Variants in ZNF484 observed in about 807,000 individuals in gnomAD.
ZNF484 encodes the protein KRAB box containing C2H2 type zinc finger bA526D8.4.
In ZNF484, 11 loss-of-function variants were observed where a neutral mutation model predicts 12.9. The observed-to-expected ratio is 0.85, with a 90% CI of 0.54 to 1.41. The LOEUF (loss-of-function observed/expected upper bound fraction) is 1.41. Among genes scored for constraint, ZNF484 ranks in the 40% most tolerant of loss-of-function variants. The pLI is 0.00. For synonymous variants in ZNF484, 289 were observed against 334.1 expected (o/e 0.86, Z 1.47); for missense variants, 807 against 1,007.7 (o/e 0.80, Z 2.70).
intron 1 of ZNF484, among the ~76,000 whole-genome samples, chr9:92,875,366 C>T (rs554828051): frequency 9.7e-4 from 148 of 152,294 alleles, no homozygotes; most frequent in Non-Finnish European, 1.6e-3. Flanking sequence ...TCTGATTTCA[C>T]AGGCCCTTCA....
intron 4 of ZNF484, among the ~76,000 whole-genome samples, chr9:92,849,674 C>T (rs1417634661): frequency 1.3e-5 from 2 of 152,108 alleles, no homozygotes; most frequent in East Asian, 3.9e-4. Context: ...GCCTATAGTC[C>T]CAGCTACTTA....
chr9:92,861,056 G>A (rs527675530), intron 2 of ZNF484, among the ~76,000 whole-genome samples: 197 of 152,210 alleles, frequency 1.3e-3, no homozygotes, highest in Non-Finnish European at 2.3e-3. Context: ...ATTAGCTTCT[G>A]GGTAGCACAA....
chr9:92,854,182 T>C (rs1856287872), intron 4 of ZNF484, among the ~76,000 whole-genome samples: 2 of 152,280 alleles, frequency 1.3e-5, no homozygotes, highest in South Asian at 4.1e-4. Flanking sequence ...GTTCAAAGTA[T>C]TTTATTAGGG....
intron 2 of ZNF484, among the ~76,000 whole-genome samples, chr9:92,865,562 A>G (rs1205353350): frequency 6.6e-6 from 1 of 152,204 alleles, no homozygotes; most frequent in Non-Finnish European, 1.5e-5. Flanking sequence ...TACTGGTAGG[A>G]ATACAAATTG....
rs752078273 is a variant in ZNF484 at position 92,847,058 on chromosome 9, C to T, written c.1729G>A (p.Glu577Lys). ...CATTCAGTGCAAACATATGGTTTTT[C>T]CCCTCTATGAATTCTCTGGTGCATA... ...LSMHQRIHRG[E>K]KPYVCTECGK... The change falls in exon 5 of 5, where the codon GAA (glutamate) becomes AAA (lysine). Residue 577 changes from glutamate (E) to lysine (K), a missense_variant. Transcript: ENST00000375495. 2 of 1,613,964 alleles carry T rather than the reference C, an allele frequency of 1.2e-6. No homozygotes were observed. Among genetic ancestry groups the T allele is most frequent in the South Asian group, 2.2e-5 (2 of 91,070 alleles).
At chr9:92,860,653 T>C (rs1229939808) in intron 2 of ZNF484, among the ~76,000 whole-genome samples, 2 of 147,132 alleles carry the variant, frequency 1.4e-5, no homozygotes, top group Non-Finnish European at 1.5e-5. Context: ...AAAACCAGTA[T>C]ACTTGAGGTG....
chr9:92,849,068 C>T (rs1295308823), intron 4 of ZNF484, among the ~76,000 whole-genome samples: 4 of 151,882 alleles, frequency 2.6e-5, no homozygotes, highest in Non-Finnish European at 2.9e-5. Context: ...TGAAGACCAG[C>T]CTGGCCAACA....
chr9:92,863,017 A>G (rs1215827289), intron 2 of ZNF484, among the ~76,000 whole-genome samples: 1 of 152,196 alleles, frequency 6.6e-6, no homozygotes, highest in East Asian at 1.9e-4. Context: ...GAATCAACCC[A>G]AATGCCCATC....
In ZNF484 at chr9:92,847,235, G is replaced by C. The variant is rs1855690848; in HGVS notation, c.1552C>G (p.His518Asp). 6.2e-7 allele frequency: 1 copy of C among 1,614,146 alleles called. No individual in the cohort carries two copies. Among genetic ancestry groups the C allele is most frequent in the Non-Finnish European group, 8.5e-7 (1 of 1,180,026 alleles). ...CATTTATAAGGTTTCTCTCCAGTATGAATTTTTTGGTGCTTAATGAGATTT... is the reference window on the plus strand; with the variant it reads ...CATTTATAAGGTTTCTCTCCAGTATCAATTTTTTGGTGCTTAATGAGATTT... ...RSNLIKHQKI[H>D]TGEKPYKCSD... Residue 518 changes from histidine (H) to aspartate (D), a missense_variant, in exon 5 of 5, where the codon CAT becomes GAT. Coordinates refer to ENST00000375495, the MANE Select transcript of ZNF484 (RefSeq NM_031486.4).
chr9:92,864,693 T>C (rs1338489242), intron 2 of ZNF484, among the ~76,000 whole-genome samples: 2 of 152,184 alleles, frequency 1.3e-5, no homozygotes, highest in African/African-American at 4.8e-5. Flanking sequence ...ATATAATTCA[T>C]ATTTTGAATG....
Position 92,848,694 on chromosome 9 carries a change from C to A in ZNF484, c.236-143G>T. On this transcript the variant is annotated intron_variant, in intron 4 of 4. Transcript: ENST00000375495. The surrounding 1 kb of genome is among the most constrained non-coding windows in gnomAD (Gnocchi z 4.1). Reference sequence around the variant, plus strand: ...CTTGAGGCCAGGAGTTTGAGACCAGCCTGGCCAGCATAGCAAAACTCTGTC... The same window carrying A: ...CTTGAGGCCAGGAGTTTGAGACCAGACTGGCCAGCATAGCAAAACTCTGTC... The A allele has an allele frequency of 3.0e-6, 2 of 661,972 alleles. No homozygotes were observed. Among genetic ancestry groups the A allele is most frequent in the East Asian group, 2.9e-5 (1 of 34,656 alleles). The allele number at this position is 661,972 out of a possible 1,614,324, so 41.0% of individuals were successfully genotyped here. A position where few individuals can be genotyped will look rare whatever the true frequency, so the allele number is the denominator to read the frequency against.
At position 92,847,081 on chromosome 9, in the gene ZNF484, ATACT is replaced by A. The variant is rs1458588779; in HGVS notation, c.1702_1705del (p.Ser568CysfsTer139). 1 of 1,613,900 alleles carries A rather than the reference ATACT, an allele frequency of 6.2e-7. No homozygotes were observed. Among genetic ancestry groups the A allele is most frequent in the African/African-American group, 1.3e-5 (1 of 74,876 alleles). ...TTCCCCTCTATGAATTCTCTGGTGC[ATACT>A]TAATGTTGACTTCTGAATGAATGCT... On this transcript the variant is annotated frameshift_variant, in exon 5 of 5. Coordinates refer to ENST00000375495, the MANE Select transcript of ZNF484 (RefSeq NM_031486.4). LOFTEE classifies it low-confidence loss of function (END_TRUNC).
At position 92,848,954 on chromosome 9, in the gene ZNF484, T is replaced by TAAAA. The variant is rs951256703; in HGVS notation, c.236-407_236-404dup. On this transcript the variant is annotated intron_variant, in intron 4 of 4. Transcript: ENST00000375495. This position sits in a 1 kb window ranked among gnomAD's most constrained non-coding sequence, Gnocchi z 4.1. ...ATAAATAAATAAATAAATAAATAAA[T>TAAAA]AAAAATACAATAGACCTTTGATTCA... Among the ~76,000 whole-genome samples the TAAAA allele has an allele frequency of 3.0e-5, 4 of 135,580 alleles. No homozygotes were observed. The highest frequency in any genetic ancestry group is 2.2e-4 in the East Asian group (1 of 4,592). The allele number at this position is 135,580 out of a possible 152,430, so 88.9% of individuals were successfully genotyped here.
At chr9:92,858,907 T>C (rs886225094) in intron 2 of ZNF484, among the ~76,000 whole-genome samples, 94 of 152,048 alleles carry the variant, frequency 6.2e-4, no homozygotes, top group African/African-American at 2.0e-3. Flanking sequence ...AGGCGGATCA[T>C]GAGGTCAGGA....
chr9:92,855,918 T>C lies in ZNF484; in HGVS notation c.143-15A>G. ...AACTTGACATCCTGTTAACAGGGGATGATAGAGGACTTGATTTCAGAGGCC... is the reference window on the plus strand; with the variant it reads ...AACTTGACATCCTGTTAACAGGGGACGATAGAGGACTTGATTTCAGAGGCC... On this transcript the variant is annotated splice_polypyrimidine_tract_variant and intron_variant, in intron 3 of 4. Transcript: ENST00000375495. 6.2e-7 allele frequency: 1 copy of C among 1,612,950 alleles called. No individual in the cohort carries two copies. Among genetic ancestry groups the C allele is most frequent in the Non-Finnish European group, 8.5e-7 (1 of 1,179,486 alleles).
At chr9:92,873,385 G>C (rs1292588678) in intron 2 of ZNF484, among the ~76,000 whole-genome samples, 2 of 152,048 alleles carry the variant, frequency 1.3e-5, no homozygotes, top group Non-Finnish European at 2.9e-5. Context: ...ACTACTAACA[G>C]CTCTGCACAC....
chr9:92,855,535 T>G (rs1236105366), intron 4 of ZNF484, among the ~76,000 whole-genome samples: 1 of 152,018 alleles, frequency 6.6e-6, no homozygotes, highest in Non-Finnish European at 1.5e-5. Context: ...AACAGGACCC[T>G]AGAAAGTAGA....
chr9:92,857,932 A>G (rs1017426066), intron 2 of ZNF484, among the ~76,000 whole-genome samples: 4 of 152,112 alleles, frequency 2.6e-5, no homozygotes, highest in South Asian at 2.1e-4. Context: ...TAATTTGTCT[A>G]TCTTTTGTAG....
At chr9:92,853,726 G>A (rs2117890107) in intron 4 of ZNF484, among the ~76,000 whole-genome samples, 1 of 152,328 alleles carries the variant, frequency 6.6e-6, no homozygotes, top group East Asian at 1.9e-4. Flanking sequence ...TTGCCAGCAG[G>A]CAGTATAACC....
Sources: allele counts gnomAD v4.1 joint callset (sites outside exome capture counted in the v4.1 genomes callset), GRCh38; gene constraint gnomAD v4.1.1; non-coding constraint Gnocchi (gnomAD v3.1); transcripts MANE v1.5; gene names NCBI Gene and HGNC (gene_info 2026-07-23, HGNC 2026-07-21).